The following TMED10 variants were observed in gnomAD, a reference collection of about 807,000 sequenced individuals.
TMED10 encodes the protein transmembrane emp24 domain-containing protein 10.
A neutral mutation model predicts 23.1 loss-of-function variants in TMED10; 7 were observed. That is an observed-to-expected ratio of 0.30 (90% confidence interval 0.17 to 0.57). The LOEUF is 0.57. Among genes scored for constraint, TMED10 ranks in the 20% least tolerant of loss-of-function variants. TMED10 has a pLI of 0.91. For synonymous variants in TMED10, 113 were observed against 106.9 expected (o/e 1.06, Z -0.35); for missense variants, 162 against 274.8 (o/e 0.59, Z 2.90).
chr14:75,131,729 G>T lies in TMED10; in HGVS notation c.*3156C>A, dbSNP rs569402188. Reference sequence around the variant, plus strand: ...CCGATTTTAAAGCTTATTTGCTCTTGTGTCAGTCTTTTGTCAAAGGCAAAT... The same window carrying T: ...CCGATTTTAAAGCTTATTTGCTCTTTTGTCAGTCTTTTGTCAAAGGCAAAT... On this transcript the variant is annotated 3_prime_UTR_variant, in exon 5 of 5. Coordinates refer to ENST00000303575, the MANE Select transcript of TMED10 (RefSeq NM_006827.6). 2.8e-4 allele frequency: 43 copies of T among 152,386 alleles called. No individual in the cohort carries two copies. Among genetic ancestry groups the T allele is most frequent in the African/African-American group, 1.0e-3 (43 of 41,566 alleles). 9.4% of individuals were successfully genotyped at this position (152,386 alleles called of 1,614,324 possible). A position where few individuals can be genotyped will look rare whatever the true frequency, so the allele number is the denominator to read the frequency against.
intron 1 of TMED10, among the ~76,000 whole-genome samples, chr14:75,158,312 G>A (rs1366452715): frequency 6.6e-6 from 1 of 152,146 alleles, no homozygotes; most frequent in Non-Finnish European, 1.5e-5. Context: ...GAAAGAAGCA[G>A]CATAAAAAAG....
intron 1 of TMED10, among the ~76,000 whole-genome samples, chr14:75,168,915 G>A (rs1896196445): frequency 1.3e-5 from 2 of 152,156 alleles, no homozygotes; most frequent in South Asian, 2.1e-4. Context: ...CTTTTGGTGA[G>A]GGGGAAAAAA....
In TMED10 at chr14:75,176,361, G is replaced by A; in HGVS notation, c.219C>T (p.His73=). 6.2e-7 allele frequency: 1 copy of A among 1,614,172 alleles called. No homozygotes were observed. Residue 73 remains histidine, a synonymous_variant, in exon 1 of 5, where the codon CAC becomes CAT. Coordinates refer to ENST00000303575, the MANE Select transcript of TMED10 (RefSeq NM_006827.6). Reference sequence around the variant, plus strand: ...ACGTCGCCCAATGCCGCACCTTGAGGTGGCTGCGCAGGCCGCCAGCGCCCC... The same window carrying A: ...ACGTCGCCCAATGCCGCACCTTGAGATGGCTGCGCAGGCCGCCAGCGCCCC... ...QSGGAGGLRS[H]LKITDSAGHI... is the part of the protein sequence containing the mutation.
chr14:75,171,527 G>C (rs992332791), intron 1 of TMED10, among the ~76,000 whole-genome samples: 4 of 152,212 alleles, frequency 2.6e-5, no homozygotes, highest in South Asian at 4.1e-4. Flanking sequence ...TGATTTGCCC[G>C]CCTTGGCCTC....
At chr14:75,141,013 CG>C (rs1479425082) in intron 3 of TMED10, among the ~76,000 whole-genome samples, 1 of 151,968 alleles carries the variant, frequency 6.6e-6, no homozygotes, top group Non-Finnish European at 1.5e-5. Context: ...AAGGCCTTAA[CG>C]TTTTTTTCTG....
At chr14:75,167,825 AAAT>A (rs766567504) in intron 1 of TMED10, among the ~76,000 whole-genome samples, 1 of 152,140 alleles carries the variant, frequency 6.6e-6, no homozygotes, top group Non-Finnish European at 1.5e-5. Context: ...AGCCAGAGCA[AAAT>A]AATAATAAAA....
chr14:75,163,293 C>T (rs1896107187), intron 1 of TMED10, among the ~76,000 whole-genome samples: 1 of 151,890 alleles, frequency 6.6e-6, no homozygotes, highest in Non-Finnish European at 1.5e-5. Context: ...TGGCTCACGC[C>T]TGTAATCCCA....
intron 1 of TMED10, among the ~76,000 whole-genome samples, chr14:75,172,969 A>G (rs1896253291): frequency 6.6e-6 from 1 of 152,234 alleles, no homozygotes; most frequent in Admixed American, 6.5e-5. Context: ...GGTGAGGACA[A>G]TGAGATCCAT....
At chr14:75,142,642 C>T (rs1283280103) in intron 3 of TMED10, among the ~76,000 whole-genome samples, 1 of 152,146 alleles carries the variant, frequency 6.6e-6, no homozygotes, top group Admixed American at 6.5e-5. Context: ...TGTCCCTCCA[C>T]ACTAGTTTGG....
intron 4 of TMED10, 70 bp downstream of exon 4, chr14:75,135,690 C>G: frequency 6.3e-7 from 1 of 1,580,334 alleles, no homozygotes; most frequent in Non-Finnish European, 8.6e-7. Flanking sequence ...AAGGGTACAC[C>G]AGAATTGAAA....
At position 75,173,438 on chromosome 14, in the gene TMED10, A is replaced by G. The variant is rs555437361; in HGVS notation, c.225+2917T>C. Among the ~76,000 whole-genome samples the G allele has an allele frequency of 2.7e-4, 41 of 152,222 alleles. No homozygotes were observed. In the South Asian group the frequency reaches 8.1e-3, roughly 30 times the overall value. On this transcript the variant is annotated intron_variant, in intron 1 of 4. Transcript: ENST00000303575. ...GGGAAGGGAAAAATCAGATGTGGCA[A>G]AAAGGCCCACATGCTTGCATGGCAA...
chr14:75,153,207 A>G (rs1212052355), intron 1 of TMED10, among the ~76,000 whole-genome samples: 9 of 152,082 alleles, frequency 5.9e-5, no homozygotes, highest in African/African-American at 1.2e-4. Flanking sequence ...GTGCGCACCT[A>G]TAGTCCCAGG....
intron 1 of TMED10, among the ~76,000 whole-genome samples, chr14:75,168,072 A>G (rs183314920): frequency 2.0e-5 from 3 of 152,260 alleles, no homozygotes; most frequent in Admixed American, 1.3e-4. Flanking sequence ...GCATCTCAAT[A>G]TAGGTCTGAA....
At chr14:75,165,446 T>G (rs1187941596) in intron 1 of TMED10, among the ~76,000 whole-genome samples, 1 of 152,148 alleles carries the variant, frequency 6.6e-6, no homozygotes. Context: ...CAGGCTGGTC[T>G]CGAACTCCTG....
At chr14:75,163,960 T>C (rs1321404811) in intron 1 of TMED10, among the ~76,000 whole-genome samples, 1 of 152,126 alleles carries the variant, frequency 6.6e-6, no homozygotes, top group Non-Finnish European at 1.5e-5. Context: ...GTAAACTGCC[T>C]GGAACAGTGT....
At chr14:75,163,216 T>C (rs1024510518) in intron 1 of TMED10, among the ~76,000 whole-genome samples, 1 of 152,100 alleles carries the variant, frequency 6.6e-6, no homozygotes, top group Admixed American at 6.6e-5. Flanking sequence ...CACTTCAGCC[T>C]GGGTGACAGA....
chr14:75,150,376 T>C (rs187115231), intron 2 of TMED10, among the ~76,000 whole-genome samples: 59 of 152,272 alleles, frequency 3.9e-4, no homozygotes, highest in Admixed American at 2.4e-3. Context: ...ACTTAAGCAG[T>C]TCACAGCCCC....
At chr14:75,143,933 C>CAAA (rs5809695) in intron 3 of TMED10, among the ~76,000 whole-genome samples, 5 of 126,158 alleles carry the variant, frequency 4.0e-5, no homozygotes, top group Admixed American at 8.3e-5. Context: ...TACTCTGTCT[C>CAAA]AAAAAAAAAA....
chr14:75,148,847 T>G (rs1895919837), intron 2 of TMED10, among the ~76,000 whole-genome samples: 1 of 152,262 alleles, frequency 6.6e-6, no homozygotes. Flanking sequence ...TCAAAGTTCA[T>G]GTGTTGGAAA....
Sources: gnomAD v4.1 joint callset for allele counts (sites outside exome capture counted in the v4.1 genomes callset) on GRCh38, gnomAD v4.1.1 for gene constraint, MANE v1.5 for transcripts, NCBI Gene and HGNC (gene_info 2026-07-23, HGNC 2026-07-21) for gene names.